SLC36A1: variants seen among roughly 807,000 people sequenced by gnomAD.
The protein encoded by SLC36A1 is proton-coupled amino acid transporter 1.
A neutral mutation model predicts 47.5 loss-of-function variants in SLC36A1; 30 were observed. The ratio of observed to expected loss-of-function variants is 0.63; its 90% CI spans 0.47 to 0.86. SLC36A1 has a LOEUF of 0.86. SLC36A1 is among the 40% of genes least tolerant of loss of function. SLC36A1 has a pLI of 0.00. For missense variants in SLC36A1, 517 were observed against 606.0 expected (o/e 0.85, Z 1.54); for synonymous variants, 255 against 249.7 (o/e 1.02, Z -0.20).
chr5:151,480,715 T>C (rs1175055358), intron 10 of SLC36A1, among the ~76,000 whole-genome samples: 3 of 152,254 alleles, frequency 2.0e-5, no homozygotes, highest in Non-Finnish European at 2.9e-5. Flanking sequence ...TAACTCTCCA[T>C]GCTTTGATTC....
chr5:151,433,256 ATATATATATATTTTTTTTTTTTTTT>A (rs1396747579), upstream of SLC36A1, among the ~76,000 whole-genome samples: 2 of 15,702 alleles, frequency 1.3e-4, no homozygotes, highest in African/African-American at 5.4e-4. Flanking sequence ...ATATATATAT[ATATATATATATTTTTTTTTTTTTTT>A]TTTTTTTTTT....
the SLC36A1 span, chr5:151,551,331 T>G: frequency 1.1e-6 from 1 of 898,310 alleles, no homozygotes; most frequent in Non-Finnish European, 1.7e-6. Context: ...GAGAGTGTAT[T>G]AGACAAGAAC....
At chr5:151,389,421 TA>T in the SLC36A1 span, among the ~76,000 whole-genome samples, 36 of 152,262 alleles carry the variant, frequency 2.4e-4, no homozygotes, top group African/African-American at 8.4e-4. Context: ...AATTTTTTTT[TA>T]AATTATACTT....
chr5:151,404,438 A>G, the SLC36A1 span, among the ~76,000 whole-genome samples: 1 of 152,110 alleles, frequency 6.6e-6, no homozygotes, highest in Non-Finnish European at 1.5e-5. Context: ...GATAGGTGAG[A>G]TTTTGATCCT....
intron 10 of SLC36A1, chr5:151,480,053 C>T (rs1395634405): frequency 6.8e-7 from 1 of 1,468,138 alleles, no homozygotes; most frequent in East Asian, 2.5e-5. Flanking sequence ...AACCCCATTC[C>T]CAGGAGTGTA....
chr5:151,551,330 T>C, the SLC36A1 span: 8 of 886,538 alleles, frequency 9.0e-6, no homozygotes, highest in Non-Finnish European at 1.4e-5. Flanking sequence ...AGAGAGTGTA[T>C]TAGACAAGAA....
chr5:151,361,080 A>G, the SLC36A1 span, among the ~76,000 whole-genome samples: 1 of 152,214 alleles, frequency 6.6e-6, no homozygotes, highest in Non-Finnish European at 1.5e-5. Flanking sequence ...TTCTGCAGAA[A>G]TTTATTGTTT....
chr5:151,450,764 A>G (rs1395755433), intron 1 of SLC36A1, among the ~76,000 whole-genome samples: 1 of 152,212 alleles, frequency 6.6e-6, no homozygotes, highest in African/African-American at 2.4e-5. Context: ...ATCGCTTCAA[A>G]GGTCAGATGA....
chr5:151,509,665 A>G, the SLC36A1 span: 1 of 230,194 alleles, frequency 4.3e-6, no homozygotes, highest in South Asian at 7.7e-5. Flanking sequence ...TAGTTGCAGG[A>G]AAACAAGCTC....
chr5:151,372,169 T>C, the SLC36A1 span, among the ~76,000 whole-genome samples: 4 of 152,192 alleles, frequency 2.6e-5, no homozygotes, highest in Non-Finnish European at 5.9e-5. Context: ...ATTCTGGGAC[T>C]CTAGCACAGA....
In SLC36A1 at chr5:151,489,528, C is replaced by G. The variant is rs930818545; in HGVS notation, c.*1274C>G. 1 of 152,650 alleles carries G rather than the reference C, an allele frequency of 6.6e-6. No homozygotes were observed. Among genetic ancestry groups the G allele is most frequent in the East Asian group, 1.9e-4 (1 of 5,194 alleles). 9.5% of individuals were successfully genotyped at this position (152,650 alleles called of 1,614,324 possible). On this transcript the variant is annotated 3_prime_UTR_variant, in exon 11 of 11. Transcript: ENST00000243389. This position sits in a 1 kb window ranked among gnomAD's most constrained non-coding sequence, Gnocchi z 4.5. Reference sequence around the variant, plus strand: ...GAACCAGTGCCCGGCCCCACACTGCCTCTGTGGCCTGGACTTTGAAAGGAA... The same window carrying G: ...GAACCAGTGCCCGGCCCCACACTGCGTCTGTGGCCTGGACTTTGAAAGGAA...
the SLC36A1 span, chr5:151,543,624 A>T: frequency 6.2e-7 from 1 of 1,614,182 alleles, no homozygotes; most frequent in Middle Eastern, 1.6e-4. Context: ...CTAGCAAATC[A>T]ATCACCTTGG....
At chr5:151,461,960 CCTT>C (rs1231781327) in intron 2 of SLC36A1, among the ~76,000 whole-genome samples, 1 of 104,720 alleles carries the variant, frequency 9.5e-6, no homozygotes, top group African/African-American at 3.5e-5. Context: ...AAACTTGCTG[CCTT>C]TTTTTTTTTT....
At chr5:151,370,314 T>C in the SLC36A1 span, among the ~76,000 whole-genome samples, 1 of 152,230 alleles carries the variant, frequency 6.6e-6, no homozygotes, top group Admixed American at 6.5e-5. Flanking sequence ...TATTATCTTA[T>C]AGGTACTCAT....
the SLC36A1 span, among the ~76,000 whole-genome samples, chr5:151,349,782 T>G: frequency 6.6e-6 from 1 of 152,332 alleles, no homozygotes; most frequent in East Asian, 1.9e-4. Context: ...CTTATGGCAC[T>G]TTTAAAACGT....
chr5:151,468,043 A>G lies in SLC36A1; in HGVS notation c.723+118A>G, dbSNP rs189615. 301,051 of 790,054 alleles carry G rather than the reference A, an allele frequency of 0.38. 60,486 individuals carry two copies. Among genetic ancestry groups the G allele is most frequent in the East Asian group, 0.52 (18,024 of 34,612 alleles). The allele number at this position is 790,054 out of a possible 1,614,324, so 48.9% of individuals were successfully genotyped here. On this transcript the variant is annotated intron_variant, in intron 7 of 10. Transcript: ENST00000243389. ...GGTGGGGGCGGGTGGATCACCTGAG[A>G]TCAGGAGTTTGAGACCAGCCTGGCC...
intron 1 of SLC36A1, among the ~76,000 whole-genome samples, chr5:151,441,111 C>G (rs944411140): frequency 1.6e-4 from 24 of 152,168 alleles, no homozygotes; most frequent in African/African-American, 5.8e-4. Flanking sequence ...AGGGACCACA[C>G]TTTGAGAAGC....
the SLC36A1 span, among the ~76,000 whole-genome samples, chr5:151,390,658 C>T: frequency 5.3e-5 from 8 of 152,060 alleles, no homozygotes; most frequent in Non-Finnish European, 8.8e-5. Context: ...ATTTATTAAA[C>T]AGGGAATCCT....
At chr5:151,394,138 T>C in the SLC36A1 span, among the ~76,000 whole-genome samples, 11 of 152,372 alleles carry the variant, frequency 7.2e-5, no homozygotes, top group African/African-American at 2.6e-4. Context: ...CTCTTCTCGC[T>C]TCATTTCATT....
Sources: allele counts gnomAD v4.1 joint callset (sites outside exome capture counted in the v4.1 genomes callset), GRCh38; gene constraint gnomAD v4.1.1; non-coding constraint Gnocchi (gnomAD v3.1); transcripts MANE v1.5; gene names NCBI Gene and HGNC (gene_info 2026-07-23, HGNC 2026-07-21).